TPPP: variants seen among roughly 807,000 people sequenced by gnomAD.
TPPP encodes tubulin polymerization-promoting protein.
Under a neutral mutation model 15.5 loss-of-function variants are expected in TPPP, and 6 were observed. That is an observed-to-expected ratio of 0.39 (90% CI 0.21 to 0.77). The LOEUF is 0.77. TPPP is among the 30% of genes least tolerant of loss of function. The pLI, the probability that TPPP is intolerant of heterozygous loss-of-function variation, is 0.42. For missense variants in TPPP, 269 were observed against 307.2 expected, an observed-to-expected ratio of 0.88 and a Z score of 0.93; for synonymous variants, 146 against 133.9, an observed-to-expected ratio of 1.09 and a Z score of -0.63.
At chr5:672,735 G>A (rs1043202895) in intron 2 of TPPP, among the ~76,000 whole-genome samples, 5 of 152,234 alleles carry the variant, frequency 3.3e-5, no homozygotes, top group African/African-American at 7.2e-5. Context: ...CCCACCGCCC[G>A]TGGTCCGGTC....
At position 664,985 on chromosome 5, in the gene TPPP, C is replaced by A; in HGVS notation, c.*117G>T. 1 of 1,299,296 alleles carries A rather than the reference C, an allele frequency of 7.7e-7. No homozygotes were observed. The highest frequency in any genetic ancestry group is 1.4e-5 in the South Asian group (1 of 70,728). 80.5% of individuals were successfully genotyped at this position (1,299,296 alleles called of 1,614,324 possible). A position where few individuals can be genotyped will look rare whatever the true frequency, so the allele number is the denominator to read the frequency against. On this transcript the variant is annotated 3_prime_UTR_variant, in exon 4 of 4. Transcript: ENST00000360578. The stretch of plus-strand genomic sequence containing the variant: ...GCCTGGGCCTGGCCGCCCCCCAGCC[C>A]CCTCTGGGGCACCCGTCTGAGTTCT...
upstream of TPPP, among the ~76,000 whole-genome samples, chr5:695,643 C>T (rs1219665633): frequency 2.6e-5 from 4 of 151,630 alleles, no homozygotes; most frequent in East Asian, 1.9e-4. Flanking sequence ...GGGTGGTGGC[C>T]GCATGGCTCC....
At chr5:693,228 C>G (rs1233122626) in intron 1 of TPPP, 50 bp downstream of exon 1, 1 of 142,056 alleles carries the variant, frequency 7.0e-6, no homozygotes, top group African/African-American at 2.5e-5. Context: ...TCTCCGCCCC[C>G]GGGTGCCCCC....
Position 663,479 on chromosome 5 carries a change from G to A in TPPP, c.*1623C>T, listed in dbSNP as rs554868877. On this transcript the variant is annotated 3_prime_UTR_variant, in exon 4 of 4. Transcript: ENST00000360578. ...CAGGTCCTCCCCATCCTCAGGTGGAGGCTTCTCTGTTGAGGGGCCTCGGAG... is the reference window on the plus strand; with the variant it reads ...CAGGTCCTCCCCATCCTCAGGTGGAAGCTTCTCTGTTGAGGGGCCTCGGAG... The A allele has an allele frequency of 6.6e-6, 1 of 152,466 alleles. No homozygotes were observed. The highest frequency in any genetic ancestry group is 1.5e-5 in the Non-Finnish European group (1 of 68,116). The allele number at this position is 152,466 out of a possible 1,614,324, so 9.4% of individuals were successfully genotyped here. A position where few individuals can be genotyped will look rare whatever the true frequency, so the allele number is the denominator to read the frequency against.
chr5:686,716 G>C (rs1355628552), intron 1 of TPPP, among the ~76,000 whole-genome samples: 1 of 148,016 alleles, frequency 6.8e-6, no homozygotes, highest in Non-Finnish European at 1.5e-5. Context: ...AGAAGAGGCA[G>C]AAGAGAAGAC....
In TPPP at chr5:677,875, C is replaced by G; in HGVS notation, c.186G>C (p.Gly62=). The stretch of plus-strand genomic sequence containing the variant: ...TCTCCCTCCCGGTGGCCCTGGCGTC[C>G]CCGTGCACGGCAAAGCGCCGGAAGG... ...EEAFRRFAVH[G]DARATGREMH... The change falls in exon 2 of 4, where the codon GGG becomes GGC. Residue 62 remains glycine, a synonymous_variant. Coordinates refer to ENST00000360578, the MANE Select transcript of TPPP (RefSeq NM_007030.3). 6.2e-7 allele frequency: 1 copy of G among 1,612,752 alleles called. No homozygotes were observed. Among genetic ancestry groups the G allele is most frequent in the Non-Finnish European group, 8.5e-7 (1 of 1,179,854 alleles).
intron 1 of TPPP, among the ~76,000 whole-genome samples, chr5:684,908 G>A (rs1453887463): frequency 6.6e-6 from 1 of 152,216 alleles, no homozygotes; most frequent in East Asian, 1.9e-4. Flanking sequence ...CAGCACAGGA[G>A]GCAGGATGAT....
At chr5:677,729 C>G in intron 2 of TPPP, 21 bp downstream of exon 2, 1 of 1,528,414 alleles carries the variant, frequency 6.5e-7, no homozygotes, top group Non-Finnish European at 8.8e-7. Context: ...GTCCCTCGGC[C>G]CGTGAGCCCA....
chr5:694,270 G>A (rs1217760025), upstream of TPPP, among the ~76,000 whole-genome samples: 4 of 151,444 alleles, frequency 2.6e-5, no homozygotes, highest in Non-Finnish European at 5.9e-5. Flanking sequence ...GCGGTTCTGT[G>A]GTGCTGGGTG....
In TPPP at chr5:677,303, G is replaced by C. The variant is rs916990973; in HGVS notation, c.311+447C>G. Among the ~76,000 whole-genome samples, 7 of 152,168 alleles carry C rather than the reference G, an allele frequency of 4.6e-5. No individual in the cohort carries two copies. In the East Asian group the frequency reaches 1.3e-3, roughly 29 times the overall value. On this transcript the variant is annotated intron_variant, in intron 2 of 3. Transcript: ENST00000360578. ...TCAGCCGCTGAGCCAGCCCACAGAG[G>C]GTCAGGAGCTCTGCCCGCCAGCAGC...
chr5:677,320 G>A (rs1305257251), intron 2 of TPPP, among the ~76,000 whole-genome samples: 5 of 152,172 alleles, frequency 3.3e-5, no homozygotes, highest in African/African-American at 7.2e-5. Context: ...AGCTCTGCCC[G>A]CCAGCAGCCA....
chr5:671,702 T>TC (rs1370857036), intron 2 of TPPP, among the ~76,000 whole-genome samples: 9 of 151,844 alleles, frequency 5.9e-5, no homozygotes, highest in Admixed American at 5.2e-4. Flanking sequence ...TGGCCAAGGG[T>TC]CCCCCCGCAG....
chr5:668,432 G>C (rs1350085100), intron 2 of TPPP, among the ~76,000 whole-genome samples: 21 of 119,398 alleles, frequency 1.8e-4, no homozygotes, highest in African/African-American at 6.1e-4. Context: ...CCGCGTGGGC[G>C]CCGTCAGGGA....
At chr5:698,825 T>G in the TPPP span, among the ~76,000 whole-genome samples, 59 of 152,114 alleles carry the variant, frequency 3.9e-4, no homozygotes, top group South Asian at 0.012. Flanking sequence ...CAGTAGCATT[T>G]AAGGACACAA....
chr5:669,469 T>G (rs546571679), intron 2 of TPPP, among the ~76,000 whole-genome samples: 1 of 152,102 alleles, frequency 6.6e-6, no homozygotes, highest in Non-Finnish European at 1.5e-5. Context: ...GTGGGGGTGT[T>G]GACTCTCTGG....
chr5:673,900 A>G (rs1740309938), intron 2 of TPPP, among the ~76,000 whole-genome samples: 1 of 152,228 alleles, frequency 6.6e-6, no homozygotes. Context: ...ACAGCCACCC[A>G]GCCCCACCCA....
chr5:678,151 G>C (rs1306185295), intron 1 of TPPP, 87 bp from the exon 2 acceptor site: 4 of 1,375,134 alleles, frequency 2.9e-6, no homozygotes, highest in Non-Finnish European at 3.9e-6. Context: ...CCGTACCAAT[G>C]AGCACCAGGA....
chr5:671,794 C>T (rs879474787), intron 2 of TPPP, among the ~76,000 whole-genome samples: 8 of 152,254 alleles, frequency 5.3e-5, no homozygotes, highest in Admixed American at 5.2e-4. Context: ...GAACTGGCCC[C>T]AGGGCTCCAG....
At chr5:681,689 G>A (rs1740628194) in intron 1 of TPPP, among the ~76,000 whole-genome samples, 2 of 137,976 alleles carry the variant, frequency 1.4e-5, no homozygotes, top group African/African-American at 2.6e-5. Flanking sequence ...CACCCCCAGC[G>A]CCTCCCCAGG....
Sources: allele counts gnomAD v4.1 joint callset (sites outside exome capture counted in the v4.1 genomes callset), GRCh38; gene constraint gnomAD v4.1.1; transcripts MANE v1.5; gene names NCBI Gene and HGNC (gene_info 2026-07-23, HGNC 2026-07-21).